Variants in DRC11 observed in about 807,000 individuals in gnomAD.
The protein encoded by DRC11 is dynein regulatory complex subunit 11.
the DRC11 span, among the ~76,000 whole-genome samples, chr2:236,406,912 A>AT: frequency 6.6e-6 from 1 of 152,024 alleles, no homozygotes; most frequent in South Asian, 2.1e-4. This position sits in a 1 kb window ranked among gnomAD's most constrained non-coding sequence, Gnocchi z 4.7. Flanking sequence ...CGCCTGGCTA[A>AT]TTTTTTGTAT....
At chr2:236,399,370 C>G in the DRC11 span, 44 of 1,485,388 alleles carry the variant, frequency 3.0e-5, 1 homozygote, top group South Asian at 4.9e-4. The surrounding 1 kb of genome is among the most constrained non-coding windows in gnomAD (Gnocchi z 7.0). Flanking sequence ...GTTCCCAGCA[C>G]GTGCTGCTGT....
chr2:236,356,395 G>C, the DRC11 span, among the ~76,000 whole-genome samples: 12 of 152,126 alleles, frequency 7.9e-5, no homozygotes, highest in Admixed American at 7.9e-4. Context: ...CAGCAGACCC[G>C]CTGGCCCAGG....
chr2:236,339,843 C>T, the DRC11 span, among the ~76,000 whole-genome samples: 1 of 152,052 alleles, frequency 6.6e-6, no homozygotes, highest in Non-Finnish European at 1.5e-5. Context: ...CATGTGAGTC[C>T]CCCAACTTTA....
chr2:236,495,150 C>T, the DRC11 span, among the ~76,000 whole-genome samples: 5 of 152,240 alleles, frequency 3.3e-5, no homozygotes, highest in African/African-American at 1.2e-4. The surrounding 1 kb of genome is among the most constrained non-coding windows in gnomAD (Gnocchi z 5.6). Flanking sequence ...CGAGACCAGC[C>T]TGGTCAACAT....
the DRC11 span, among the ~76,000 whole-genome samples, chr2:236,468,095 C>T: frequency 6.6e-6 from 1 of 152,088 alleles, no homozygotes; most frequent in Non-Finnish European, 1.5e-5. Context: ...AAAATGAGAA[C>T]ATATAACTTT....
the DRC11 span, among the ~76,000 whole-genome samples, chr2:236,437,734 T>C: frequency 6.6e-6 from 1 of 152,208 alleles, no homozygotes; most frequent in African/African-American, 2.4e-5. Context: ...GCTGCATAAA[T>C]GTCTTCTTTT....
At chr2:236,355,124 C>G in the DRC11 span, among the ~76,000 whole-genome samples, 22 of 152,372 alleles carry the variant, frequency 1.4e-4, no homozygotes, top group Non-Finnish European at 3.2e-4. Flanking sequence ...CCTCCCAGGA[C>G]TGACACCGAT....
the DRC11 span, among the ~76,000 whole-genome samples, chr2:236,492,848 T>C: frequency 1.3e-5 from 2 of 152,210 alleles, no homozygotes; most frequent in African/African-American, 4.8e-5. Context: ...AGGAAAAAGA[T>C]GCAGCTGCAC....
chr2:236,361,156 C>T, the DRC11 span, among the ~76,000 whole-genome samples: 3 of 151,954 alleles, frequency 2.0e-5, no homozygotes, highest in Admixed American at 1.3e-4. The surrounding 1 kb of genome is among the most constrained non-coding windows in gnomAD (Gnocchi z 5.7). Flanking sequence ...ATGAAATGGG[C>T]GGATAGAGAA....
chr2:236,357,547 TTA>T, the DRC11 span, among the ~76,000 whole-genome samples: 2 of 127,022 alleles, frequency 1.6e-5, no homozygotes, highest in Non-Finnish European at 3.1e-5. Flanking sequence ...AATTTATATA[TTA>T]TTACATATTT....
chr2:236,382,720 T>G, the DRC11 span, among the ~76,000 whole-genome samples: 1 of 152,330 alleles, frequency 6.6e-6, no homozygotes, highest in Admixed American at 6.5e-5. Flanking sequence ...CATTCCATTT[T>G]AACTTTGGTG....
At chr2:236,407,603 A>G in the DRC11 span, among the ~76,000 whole-genome samples, 3 of 152,166 alleles carry the variant, frequency 2.0e-5, no homozygotes, top group African/African-American at 7.2e-5. Flanking sequence ...CACACGGGCC[A>G]CATGTACTTT....
chr2:236,347,413 T>C, the DRC11 span, among the ~76,000 whole-genome samples: 12 of 151,860 alleles, frequency 7.9e-5, no homozygotes, highest in African/African-American at 2.7e-4. Flanking sequence ...TTCTTGCACA[T>C]GCATGTTTAT....
the DRC11 span, among the ~76,000 whole-genome samples, chr2:236,448,287 A>G: frequency 1.3e-5 from 2 of 152,198 alleles, no homozygotes; most frequent in African/African-American, 4.8e-5. The surrounding 1 kb of genome is among the most constrained non-coding windows in gnomAD (Gnocchi z 5.3). Context: ...ATACTATACA[A>G]CATAACTAGG....
the DRC11 span, among the ~76,000 whole-genome samples, chr2:236,320,797 G>A: frequency 6.6e-6 from 1 of 152,010 alleles, no homozygotes; most frequent in Non-Finnish European, 1.5e-5. Flanking sequence ...AGAGCTCTGA[G>A]GAGTCTACAG....
At chr2:236,461,307 A>T in the DRC11 span, among the ~76,000 whole-genome samples, 8 of 152,236 alleles carry the variant, frequency 5.3e-5, no homozygotes, top group African/African-American at 1.2e-4. The surrounding 1 kb of genome is among the most constrained non-coding windows in gnomAD (Gnocchi z 4.0). Context: ...ATGAACATTG[A>T]GCACACAGCA....
At chr2:236,430,611 C>T in the DRC11 span, among the ~76,000 whole-genome samples, 1 of 152,218 alleles carries the variant, frequency 6.6e-6, no homozygotes, top group Admixed American at 6.5e-5. This position sits in a 1 kb window ranked among gnomAD's most constrained non-coding sequence, Gnocchi z 6.0. Flanking sequence ...TAGTAATCTG[C>T]TACTACTAAC....
the DRC11 span, among the ~76,000 whole-genome samples, chr2:236,392,806 TACAAAACAGACA>T: frequency 6.6e-6 from 1 of 152,224 alleles, no homozygotes; most frequent in Non-Finnish European, 1.5e-5. This position sits in a 1 kb window ranked among gnomAD's most constrained non-coding sequence, Gnocchi z 5.1. Flanking sequence ...TGCCTCCTAT[TACAAAACAGACA>T]ACACTAAACA....
the DRC11 span, chr2:236,507,222 C>T: frequency 1.9e-6 from 3 of 1,612,256 alleles, no homozygotes; most frequent in Non-Finnish European, 2.5e-6. Flanking sequence ...TGGGGAAGCC[C>T]ACTCCATGGC....
Sources: allele counts gnomAD v4.1 joint callset (sites outside exome capture counted in the v4.1 genomes callset), GRCh38; gene constraint gnomAD v4.1.1; non-coding constraint Gnocchi (gnomAD v3.1); transcripts MANE v1.5; gene names NCBI Gene and HGNC (gene_info 2026-07-23, HGNC 2026-07-21).